Variants in HS6ST3 observed in about 807,000 individuals in gnomAD.
The protein encoded by HS6ST3 is heparan sulfate 6-O-sulfotransferase 3.
HS6ST3 carries 12 observed loss-of-function variants against 36.7 expected under a neutral mutation model. The ratio of observed to expected loss-of-function variants is 0.33; its 90% CI spans 0.21 to 0.53. HS6ST3 has a LOEUF of 0.53. Ranked by LOEUF, HS6ST3 falls within the 20% of genes least tolerant of loss-of-function variation. HS6ST3 has a pLI of 0.95. For missense variants in HS6ST3, 584 were observed against 640.9 expected, an observed-to-expected ratio of 0.91 and a Z score of 0.96; for synonymous variants, 240 against 257.5, an observed-to-expected ratio of 0.93 and a Z score of 0.65.
intron 1 of HS6ST3, among the ~76,000 whole-genome samples, chr13:96,668,009 A>G (rs2056669845): frequency 6.6e-6 from 1 of 152,176 alleles, no homozygotes; most frequent in Admixed American, 6.5e-5. Context: ...TCTAACATTC[A>G]CCAAGTCCTT....
intron 1 of HS6ST3, among the ~76,000 whole-genome samples, chr13:96,475,513 C>G (rs1566371631): frequency 6.6e-6 from 1 of 151,414 alleles, no homozygotes; most frequent in Non-Finnish European, 1.5e-5. Context: ...TCTGCATGTC[C>G]CTTGACCATC....
chr13:96,276,392 A>G (rs2054748636), intron 1 of HS6ST3, among the ~76,000 whole-genome samples: 1 of 152,114 alleles, frequency 6.6e-6, no homozygotes, highest in Admixed American at 6.6e-5. Context: ...TTGACCTTCA[A>G]TACCCTGCAA....
Position 96,837,481 on chromosome 13 carries a change from A to G in HS6ST3, c.*4283A>G, listed in dbSNP as rs1277478000. On this transcript the variant is annotated 3_prime_UTR_variant, in exon 2 of 2. Transcript: ENST00000376705. ...TAGAGCCCCAGCCTTTTGACTTCAT[A>G]GTCTTTCCGACTACTTTATGCAGCT... 6.6e-6 allele frequency: 1 copy of G among 152,246 alleles called. No individual in the cohort carries two copies. The highest frequency in any genetic ancestry group is 2.4e-5 in the African/African-American group (1 of 41,466). The allele number at this position is 152,246 out of a possible 1,614,324, so 9.4% of individuals were successfully genotyped here.
intron 1 of HS6ST3, among the ~76,000 whole-genome samples, chr13:96,546,630 A>C (rs997229556): frequency 1.3e-5 from 2 of 152,162 alleles, no homozygotes; most frequent in African/African-American, 4.8e-5. Context: ...TGGGGTTGAA[A>C]AATTTTAACA....
intron 1 of HS6ST3, among the ~76,000 whole-genome samples, chr13:96,724,476 A>G (rs1055758217): frequency 6.6e-6 from 1 of 152,218 alleles, no homozygotes; most frequent in African/African-American, 2.4e-5. Context: ...AGATCCATCC[A>G]TCAGCCCGGA....
intron 1 of HS6ST3, among the ~76,000 whole-genome samples, chr13:96,375,170 C>G (rs2055308777): frequency 6.6e-6 from 1 of 152,124 alleles, no homozygotes; most frequent in South Asian, 2.1e-4. Flanking sequence ...CTTGTTCCTT[C>G]TCACTCCAGA....
intron 1 of HS6ST3, among the ~76,000 whole-genome samples, chr13:96,097,742 T>A (rs2053798384): frequency 6.6e-6 from 1 of 152,220 alleles, no homozygotes; most frequent in Non-Finnish European, 1.5e-5. Context: ...AAACATTTTT[T>A]AACTTGGACA....
chr13:96,132,453 G>C (rs2053980938), intron 1 of HS6ST3, among the ~76,000 whole-genome samples: 1 of 151,608 alleles, frequency 6.6e-6, no homozygotes, highest in African/African-American at 2.4e-5. Context: ...CACCCAGGCT[G>C]GAGTGCAGTG....
intron 1 of HS6ST3, among the ~76,000 whole-genome samples, chr13:96,246,660 G>T (rs565999470): frequency 3.9e-5 from 6 of 152,144 alleles, no homozygotes; most frequent in South Asian, 4.1e-4. Flanking sequence ...TTCCTTTTTT[G>T]TGTGTGTGGA....
chr13:96,780,123 GA>G (rs1877488806), intron 1 of HS6ST3, among the ~76,000 whole-genome samples: 2 of 152,172 alleles, frequency 1.3e-5, no homozygotes, highest in South Asian at 4.1e-4. Context: ...ACAGAACTGG[GA>G]GAGAGGGGAA....
chr13:96,480,135 T>C (rs988656051), intron 1 of HS6ST3, among the ~76,000 whole-genome samples: 16 of 152,172 alleles, frequency 1.1e-4, no homozygotes, highest in African/African-American at 3.9e-4. Context: ...TTATTTAAGA[T>C]GGAGTTTCAC....
chr13:96,620,828 G>A (rs563467094), intron 1 of HS6ST3, among the ~76,000 whole-genome samples: 9 of 151,616 alleles, frequency 5.9e-5, no homozygotes, highest in African/African-American at 2.2e-4. Context: ...TTATGTCTGA[G>A]TTCAGCAATT....
intron 1 of HS6ST3, among the ~76,000 whole-genome samples, chr13:96,782,687 G>A (rs936351901): frequency 6.6e-6 from 1 of 152,074 alleles, no homozygotes; most frequent in African/African-American, 2.4e-5. Context: ...TACTAAGATT[G>A]TAGGTTGCCT....
Position 96,119,756 on chromosome 13 carries a change from C to T in HS6ST3, c.707+28187C>T, listed in dbSNP as rs192538690. On this transcript the variant is annotated intron_variant, in intron 1 of 1. Transcript: ENST00000376705. ...GGCAGTTATTTAATACATTTCTGCT[C>T]CCCCAGTTTTCACTCTGTACAGTGG... Among the ~76,000 whole-genome samples the T allele has an allele frequency of 3.9e-3, 590 of 152,148 alleles. 2 individuals are homozygous for T. Among genetic ancestry groups the T allele is most frequent in the African/African-American group, 0.014 (578 of 41,512 alleles).
intron 1 of HS6ST3, among the ~76,000 whole-genome samples, chr13:96,213,415 G>T (rs2139358478): frequency 6.6e-6 from 1 of 152,274 alleles, no homozygotes; most frequent in South Asian, 2.1e-4. Context: ...CTTTGTGCTT[G>T]TGAGGTCTCC....
rs1491189979 is a variant in HS6ST3 at position 96,799,997 on chromosome 13, T to TATATATATAC, written c.708-32493_708-32492insATATATATAC. Reference sequence around the variant, plus strand: ...ATATATATATGTATATATATATATATGTATATATATATATATGTATATATA... The same window carrying TATATATATAC: ...ATATATATATGTATATATATATATATATATATATACGTATATATATATATATGTATATATA... On this transcript the variant is annotated intron_variant, in intron 1 of 1. Coordinates refer to ENST00000376705, the MANE Select transcript of HS6ST3 (RefSeq NM_153456.4). Among the ~76,000 whole-genome samples, 72 of 104,630 alleles carry TATATATATAC rather than the reference T, an allele frequency of 6.9e-4. 2 individuals are homozygous for TATATATATAC. In the East Asian group the frequency reaches 0.012, roughly 18 times the overall value. 68.6% of individuals were successfully genotyped at this position (104,630 alleles called of 152,430 possible). A position where few individuals can be genotyped will look rare whatever the true frequency, so the allele number is the denominator to read the frequency against.
intron 1 of HS6ST3, among the ~76,000 whole-genome samples, chr13:96,538,830 C>T (rs750320632): frequency 2.6e-5 from 4 of 152,144 alleles, no homozygotes; most frequent in East Asian, 1.9e-4. Flanking sequence ...AAAATATTTG[C>T]GCCTTTTGCT....
At chr13:96,357,785 G>T (rs976797700) in intron 1 of HS6ST3, among the ~76,000 whole-genome samples, 1 of 152,156 alleles carries the variant, frequency 6.6e-6, no homozygotes, top group African/African-American at 2.4e-5. Flanking sequence ...GCCTCTTAAA[G>T]TGTTGGGATT....
rs147900416 is a variant in HS6ST3 at position 96,194,210 on chromosome 13, A to G, written c.707+102641A>G. Among the ~76,000 whole-genome samples the G allele has an allele frequency of 9.0e-3, 1,368 of 152,276 alleles. 8 individuals carry two copies. The highest frequency in any genetic ancestry group is 0.014 in the Non-Finnish European group (968 of 68,014). On this transcript the variant is annotated intron_variant, in intron 1 of 1. Coordinates refer to ENST00000376705, the MANE Select transcript of HS6ST3 (RefSeq NM_153456.4). ...GTATATACAATATTGGGAAACCAGG[A>G]GGATACAAAAATCTGCTTGTAGGAA...
Sources: allele counts gnomAD v4.1 joint callset (sites outside exome capture counted in the v4.1 genomes callset), GRCh38; gene constraint gnomAD v4.1.1; transcripts MANE v1.5; gene names NCBI Gene and HGNC (gene_info 2026-07-23, HGNC 2026-07-21).